The following RIMBP2 variants were observed in gnomAD, a reference collection of about 807,000 sequenced individuals.
RIMBP2 encodes RIMS binding protein 2, also known as RIMS-binding protein 2.
RIMBP2 carries 48 observed loss-of-function variants against 118.6 expected under a neutral mutation model. The observed-to-expected ratio is 0.40, with a 90% CI of 0.32 to 0.51. The LOEUF is 0.51. RIMBP2 is among the 20% of genes least tolerant of loss of function. The pLI, the probability that RIMBP2 is intolerant of heterozygous loss-of-function variation, is 0.41. For synonymous variants in RIMBP2, 762 were observed against 742.9 expected (o/e 1.03, Z -0.42); for missense variants, 1,551 against 1,768.3 (o/e 0.88, Z 2.20).
intron 5 of RIMBP2, among the ~76,000 whole-genome samples, chr12:130,474,337 G>A (rs1212796077): frequency 1.3e-5 from 2 of 152,158 alleles, no homozygotes; most frequent in African/African-American, 2.4e-5. Flanking sequence ...TCTTATCTGC[G>A]GGATTTTGAC....
chr12:130,442,302 G>A lies in RIMBP2; in HGVS notation c.1050C>T (p.Asn350=), dbSNP rs773951442. The A allele has an allele frequency of 4.3e-5, 70 of 1,614,130 alleles. No individual in the cohort carries two copies. The highest frequency in any genetic ancestry group is 1.8e-4 in the South Asian group (16 of 91,092). ...TGCGTGTCTCCTTGTCCACCAGGACGTTGTAGCTGCTCACCGTTCCCCATC... is the reference window on the plus strand; with the variant it reads ...TGCGTGTCTCCTTGTCCACCAGGACATTGTAGCTGCTCACCGTTCCCCATC... ...PPGWGTVSSY[N]VLVDKETRMN... is the part of the protein sequence containing the mutation. Residue 350 remains asparagine (N), a synonymous_variant, in exon 11 of 23, where the codon AAC becomes AAT. Transcript: ENST00000690449. This position sits in a 1 kb window ranked among gnomAD's most constrained non-coding sequence, Gnocchi z 6.9.
chr12:130,521,299 T>C (rs993146873), intron 2 of RIMBP2, among the ~76,000 whole-genome samples: 6 of 152,168 alleles, frequency 3.9e-5, no homozygotes, highest in East Asian at 1.9e-4. Flanking sequence ...TATGTGCTGG[T>C]TGCACGCTTG....
chr12:130,671,389 C>T (rs1371656934), intron 1 of RIMBP2, among the ~76,000 whole-genome samples: 1 of 152,222 alleles, frequency 6.6e-6, no homozygotes, highest in African/African-American at 2.4e-5. Flanking sequence ...ATCTCTACCA[C>T]GTTTCTCTGA....
At chr12:130,659,312 C>CT (rs1362661657) in intron 1 of RIMBP2, among the ~76,000 whole-genome samples, 5 of 151,906 alleles carry the variant, frequency 3.3e-5, no homozygotes, top group Non-Finnish European at 5.9e-5. Flanking sequence ...TGGCTTATGC[C>CT]TGTAATCCCA....
At chr12:130,641,419 C>T (rs200386689) in intron 1 of RIMBP2, among the ~76,000 whole-genome samples, 16 of 139,576 alleles carry the variant, frequency 1.1e-4, no homozygotes, top group African/African-American at 3.1e-4. Context: ...CCCGGCATCA[C>T]GGGCTGGATT....
intron 4 of RIMBP2, among the ~76,000 whole-genome samples, chr12:130,502,041 T>C (rs73152996): frequency 0.098 from 14,976 of 152,278 alleles, 975 homozygotes; most frequent in Middle Eastern, 0.18. Context: ...AGGTCTTCCA[T>C]GCCTCTGCCT....
At chr12:130,711,683 CT>C (rs1295192621) in intron 1 of RIMBP2, among the ~76,000 whole-genome samples, 1 of 152,234 alleles carries the variant, frequency 6.6e-6, no homozygotes, top group Non-Finnish European at 1.5e-5. Context: ...TTAAATGTTA[CT>C]TTTCAGGGAC....
At chr12:130,526,035 T>C (rs1009723274) in intron 2 of RIMBP2, among the ~76,000 whole-genome samples, 77 of 151,958 alleles carry the variant, frequency 5.1e-4, no homozygotes, top group African/African-American at 1.8e-3. Flanking sequence ...AAGAGCATCA[T>C]CCAGCCACTC....
chr12:130,657,842 G>A (rs890037012), intron 1 of RIMBP2: 26 of 152,388 alleles, frequency 1.7e-4, no homozygotes, highest in African/African-American at 5.3e-4. Flanking sequence ...CCCAACCTCT[G>A]ATGTTACACG....
At chr12:130,416,738 A>C (rs942348644) in intron 17 of RIMBP2, among the ~76,000 whole-genome samples, 1 of 152,192 alleles carries the variant, frequency 6.6e-6, no homozygotes, top group Non-Finnish European at 1.5e-5. Context: ...CTAATTAAAG[A>C]ACTTCTGCAC....
At chr12:130,697,445 C>T (rs1371796201) in intron 1 of RIMBP2, among the ~76,000 whole-genome samples, 1 of 151,614 alleles carries the variant, frequency 6.6e-6, no homozygotes, top group Non-Finnish European at 1.5e-5. Context: ...ATTGCTTGAG[C>T]CCAGGAGTTC....
intron 2 of RIMBP2, among the ~76,000 whole-genome samples, chr12:130,596,473 T>C (rs189392194): frequency 4.2e-4 from 63 of 151,054 alleles, no homozygotes; most frequent in Non-Finnish European, 4.4e-5. Flanking sequence ...ATGTGAACTC[T>C]GCCTACAGGG....
intron 1 of RIMBP2, among the ~76,000 whole-genome samples, chr12:130,699,590 AG>A (rs1253718582): frequency 5.1e-5 from 2 of 39,268 alleles, no homozygotes; most frequent in East Asian, 8.4e-4. Context: ...GGGTGGGGGG[AG>A]GGGGGAGGGA....
chr12:130,600,290 G>A (rs889577544), intron 2 of RIMBP2, among the ~76,000 whole-genome samples: 2 of 152,196 alleles, frequency 1.3e-5, no homozygotes, highest in Non-Finnish European at 2.9e-5. Context: ...TAATGGCTAA[G>A]GTCAGCATGA....
chr12:130,694,029 C>T (rs1236944657), intron 1 of RIMBP2, among the ~76,000 whole-genome samples: 1 of 152,226 alleles, frequency 6.6e-6, no homozygotes, highest in Non-Finnish European at 1.5e-5. Context: ...ATCCGAACTT[C>T]CATGCCATAA....
At position 130,424,689 on chromosome 12, in the gene RIMBP2, G is replaced by A. The variant is rs560419474; in HGVS notation, c.2582C>T (p.Thr861Met). 1,573 of 1,232,026 alleles carry A rather than the reference G, an allele frequency of 1.3e-3. 1 individual carries two copies. Among genetic ancestry groups the A allele is most frequent in the Non-Finnish European group, 1.5e-3 (1,469 of 987,958 alleles). The allele number at this position is 1,232,026 out of a possible 1,614,324, so 76.3% of individuals were successfully genotyped here. The change falls in exon 16 of 23, where the codon ACG becomes ATG. Residue 861 changes from threonine (T) to methionine (M), a missense_variant. Around this residue, in one of 5 missense-constraint regions of RIMBP2, gnomAD observed 1,038 missense variants for 1,125.1 expected, o/e 0.92. Coordinates refer to ENST00000690449, the MANE Select transcript of RIMBP2 (RefSeq NM_001393629.1). The surrounding 1 kb of genome is among the most constrained non-coding windows in gnomAD (Gnocchi z 9.8). ...QGAGPSPRARTGLAREPRPGR... is the reference protein window; with the variant it reads ...QGAGPSPRARMGLAREPRPGR... ...GGGCCTGGGCTCTCTGGCCAGCCCC[G>A]TCCTGGCCCTGGGGGACGGCCCTGC... is the stretch of plus-strand genomic sequence containing the variant.
At chr12:130,560,056 G>A (rs966278825) in intron 2 of RIMBP2, among the ~76,000 whole-genome samples, 2 of 152,200 alleles carry the variant, frequency 1.3e-5, no homozygotes, top group Admixed American at 1.3e-4. Flanking sequence ...CGGCAGAGCT[G>A]CCACTCAATC....
chr12:130,611,066 G>A (rs2060511906), intron 2 of RIMBP2, among the ~76,000 whole-genome samples: 1 of 152,164 alleles, frequency 6.6e-6, no homozygotes, highest in African/African-American at 2.4e-5. Flanking sequence ...CACAGAGGAG[G>A]CCTCAAAAAG....
At chr12:130,413,165 T>C (rs183015251) in intron 18 of RIMBP2, among the ~76,000 whole-genome samples, 419 of 152,280 alleles carry the variant, frequency 2.8e-3, no homozygotes, top group Non-Finnish European at 4.7e-3. Flanking sequence ...CTGCCTGAAA[T>C]GGGTTCCTAC....
Sources: allele counts gnomAD v4.1 joint callset (sites outside exome capture counted in the v4.1 genomes callset), GRCh38; gene constraint gnomAD v4.1.1; regional missense constraint gnomAD v4.1.1; non-coding constraint Gnocchi (gnomAD v3.1); transcripts MANE v1.5; gene names NCBI Gene and HGNC (gene_info 2026-07-23, HGNC 2026-07-21).